The following TMTC2 variants were observed in gnomAD, a reference collection of about 807,000 sequenced individuals.
TMTC2 encodes the protein transmembrane O-mannosyltransferase targeting cadherins 2, also known as protein O-mannosyl-transferase TMTC2.
Under a neutral mutation model 82.4 loss-of-function variants are expected in TMTC2, and 43 were observed. The observed-to-expected ratio is 0.52, with a 90% CI of 0.41 to 0.67. TMTC2 has a LOEUF of 0.67. Ranked by LOEUF, TMTC2 falls within the 30% of genes least tolerant of loss-of-function variation. The pLI, the probability that TMTC2 is intolerant of heterozygous loss-of-function variation, is 0.00. For synonymous variants in TMTC2, 408 were observed against 381.9 expected (o/e 1.07, Z -0.80); for missense variants, 919 against 1,012.4 (o/e 0.91, Z 1.25).
chr12:82,785,818 C>G (rs1299506542), intron 1 of TMTC2, among the ~76,000 whole-genome samples: 1 of 152,060 alleles, frequency 6.6e-6, no homozygotes, highest in Non-Finnish European at 1.5e-5. Flanking sequence ...TTATCCTTGT[C>G]CATTAAAAGA....
At chr12:82,740,612 G>A (rs1472663510) in intron 1 of TMTC2, among the ~76,000 whole-genome samples, 1 of 152,100 alleles carries the variant, frequency 6.6e-6, no homozygotes, top group African/African-American at 2.4e-5. Flanking sequence ...TTCCCTGCTG[G>A]GATTCTCTAA....
chr12:82,714,341 AG>A (rs1313349106), intron 1 of TMTC2, among the ~76,000 whole-genome samples: 1 of 152,232 alleles, frequency 6.6e-6, no homozygotes, highest in African/African-American at 2.4e-5. Context: ...AAAAAGTAAA[AG>A]GATTTCAAAT....
intron 3 of TMTC2, among the ~76,000 whole-genome samples, chr12:82,913,427 A>G (rs976297592): frequency 3.9e-5 from 6 of 152,204 alleles, no homozygotes; most frequent in African/African-American, 1.4e-4. Flanking sequence ...TAGGGTTTAA[A>G]GAAGTATATC....
chr12:83,051,961 G>A (rs1402099824), intron 10 of TMTC2, among the ~76,000 whole-genome samples: 2 of 151,936 alleles, frequency 1.3e-5, no homozygotes, highest in Admixed American at 1.3e-4. Flanking sequence ...TTATATCGTT[G>A]TTTAAAAAGC....
intron 1 of TMTC2, among the ~76,000 whole-genome samples, chr12:82,753,822 G>A (rs138537209): frequency 1.1e-3 from 161 of 152,284 alleles, no homozygotes; most frequent in African/African-American, 3.5e-3. Flanking sequence ...TCAGATGTCA[G>A]CTTGTGTCTT....
At chr12:82,909,378 C>T (rs1034669934) in intron 3 of TMTC2, among the ~76,000 whole-genome samples, 1 of 152,082 alleles carries the variant, frequency 6.6e-6, no homozygotes, top group Non-Finnish European at 1.5e-5. Context: ...CTCACTCTGT[C>T]GCCCAGGCTG....
chr12:82,874,973 G>C lies in TMTC2; in HGVS notation c.654+17393G>C, dbSNP rs371419306. 6.6e-5 allele frequency among the ~76,000 whole-genome samples: 10 copies of C among 152,204 alleles called. No homozygotes were observed. The South Asian group carries it at 2.1e-3, about 32-fold the overall frequency. On this transcript the variant is annotated intron_variant, in intron 2 of 11. Transcript: ENST00000321196. ...AAAAAAATCGTTAAGTGCCATGCTTGATCCTCAATCTCAGGGGTCTGACAC... is the reference window on the plus strand; with the variant it reads ...AAAAAAATCGTTAAGTGCCATGCTTCATCCTCAATCTCAGGGGTCTGACAC...
At chr12:83,125,297 CA>C (rs1206684451) in intron 11 of TMTC2, among the ~76,000 whole-genome samples, 2 of 152,078 alleles carry the variant, frequency 1.3e-5, no homozygotes. Context: ...ATCTGGTTCC[CA>C]ATGGAAGCAA....
In TMTC2 at chr12:83,072,281, C is replaced by T. The variant is rs967747664; in HGVS notation, c.2331+10450C>T. On this transcript the variant is annotated intron_variant, in intron 11 of 11. Transcript: ENST00000321196. ...TTTTGACCCAGTGCTCATTCAGGAGCAAGTTTTTAATTTCTATATTTGCAT... is the reference window on the plus strand; with the variant it reads ...TTTTGACCCAGTGCTCATTCAGGAGTAAGTTTTTAATTTCTATATTTGCAT... 2.6e-5 allele frequency among the ~76,000 whole-genome samples: 4 copies of T among 152,234 alleles called. No homozygotes were observed. The East Asian group carries it at 7.7e-4, about 29-fold the overall frequency.
chr12:83,036,935 G>C lies in TMTC2; in HGVS notation c.2152+6056G>C, dbSNP rs369756822. On this transcript the variant is annotated intron_variant, in intron 9 of 11. Coordinates refer to ENST00000321196, the MANE Select transcript of TMTC2 (RefSeq NM_152588.3). The stretch of plus-strand genomic sequence containing the variant: ...AGGCTTTATAAGAACTCACTCTCAT[G>C]GGAACTAATCCATAGTCATAAGAAC... Among the ~76,000 whole-genome samples, 25 of 152,172 alleles carry C rather than the reference G, an allele frequency of 1.6e-4. No homozygotes were observed. In the East Asian group the frequency reaches 3.3e-3, roughly 20 times the overall value.
At chr12:83,087,255 A>G (rs1433579930) in intron 11 of TMTC2, among the ~76,000 whole-genome samples, 1 of 152,170 alleles carries the variant, frequency 6.6e-6, no homozygotes, top group Non-Finnish European at 1.5e-5. Context: ...ATTCAATTAC[A>G]TCTTCAGGGT....
chr12:82,937,784 A>ATGTGTG (rs1876451132), intron 4 of TMTC2, among the ~76,000 whole-genome samples: 1 of 24,256 alleles, frequency 4.1e-5, no homozygotes, highest in African/African-American at 1.2e-4. Flanking sequence ...ATATATATAT[A>ATGTGTG]TATATATATA....
intron 7 of TMTC2, among the ~76,000 whole-genome samples, chr12:82,972,769 C>G (rs1878505530): frequency 6.6e-6 from 1 of 152,084 alleles, no homozygotes; most frequent in Admixed American, 6.5e-5. Flanking sequence ...TACTTTAGGT[C>G]TGTACATTAT....
chr12:82,873,404 T>C (rs1477970283), intron 2 of TMTC2, among the ~76,000 whole-genome samples: 1 of 152,152 alleles, frequency 6.6e-6, no homozygotes, highest in African/African-American at 2.4e-5. Context: ...AAATTGGCAC[T>C]GAAGTTTGAG....
In TMTC2 at chr12:82,703,783, G is replaced by A. The variant is rs113381151; in HGVS notation, c.83+16114G>A. ...ATTACAGGCGTGAGCCACCGTGCCC[G>A]GCCAAAGATAGATAGTTTCAATGAG... On this transcript the variant is annotated intron_variant, in intron 1 of 11. Coordinates refer to ENST00000321196, the MANE Select transcript of TMTC2 (RefSeq NM_152588.3). Among the ~76,000 whole-genome samples the A allele has an allele frequency of 5.9e-5, 9 of 152,164 alleles. No individual in the cohort carries two copies. In the East Asian group the frequency reaches 1.6e-3, roughly 26 times the overall value.
intron 9 of TMTC2, among the ~76,000 whole-genome samples, chr12:83,032,652 G>T (rs778721261): frequency 1.3e-4 from 20 of 151,916 alleles, no homozygotes; most frequent in Admixed American, 2.6e-4. Flanking sequence ...TCAAGCGATT[G>T]TCCTGCCTCA....
At chr12:82,998,980 CT>C (rs1879796281) in intron 8 of TMTC2, among the ~76,000 whole-genome samples, 1 of 152,106 alleles carries the variant, frequency 6.6e-6, no homozygotes, top group African/African-American at 2.4e-5. Context: ...TCAGTTTCCC[CT>C]ATTATTAATA....
chr12:83,030,937 G>A (rs1337610788), intron 9 of TMTC2, 58 bp downstream of exon 9: 2 of 1,293,764 alleles, frequency 1.5e-6, no homozygotes, highest in African/African-American at 2.9e-5. Context: ...ATGTTGATAT[G>A]AGATCTAGGC....
Position 82,983,326 on chromosome 12 carries a change from T to C in TMTC2, c.1949-2599T>C, listed in dbSNP as rs1302693893. 4.6e-5 allele frequency among the ~76,000 whole-genome samples: 7 copies of C among 152,144 alleles called. No homozygotes were observed. The East Asian group carries it at 1.4e-3, about 29-fold the overall frequency. ...TATACTTGCCAAGATGCATGATATA[T>C]TACATTACTCATTTATAGCCCTTTA... is the stretch of plus-strand genomic sequence containing the variant. On this transcript the variant is annotated intron_variant, in intron 7 of 11. Transcript: ENST00000321196.
Sources: allele counts gnomAD v4.1 joint callset (sites outside exome capture counted in the v4.1 genomes callset), GRCh38; gene constraint gnomAD v4.1.1; transcripts MANE v1.5; gene names NCBI Gene and HGNC (gene_info 2026-07-23, HGNC 2026-07-21).